Variants in NWD2 observed in about 807,000 individuals in gnomAD.
The protein encoded by NWD2 is NACHT and WD repeat domain-containing protein 2.
NWD2 carries 37 observed loss-of-function variants against 132.7 expected under a neutral mutation model. That is an observed-to-expected ratio of 0.28 (90% CI 0.21 to 0.37). The LOEUF (loss-of-function observed/expected upper bound fraction) is 0.37, where lower values mean the gene tolerates loss of function less well. Ranked by LOEUF, NWD2 falls within the 10% of genes least tolerant of loss-of-function variation. The pLI is 1.00. For synonymous variants in NWD2, 705 were observed against 803.0 expected (o/e 0.88, Z 2.06); for missense variants, 1,592 against 2,122.4 (o/e 0.75, Z 4.91).
rs777002295 is a variant in NWD2 at position 37,443,371 on chromosome 4, T to C, written c.1383T>C (p.Ser461=). The C allele has an allele frequency of 1.2e-5, 19 of 1,551,854 alleles. No individual in the cohort carries two copies. In the East Asian group the frequency reaches 4.6e-4, roughly 38 times the overall value. ...TTCTAGGAACGACAGACATGAGCTC[T>C]GACCTTAGGACTCTCCTTCTAAGTG... ...VRFLGTTDMS[S]DLRTLLLSVC... The change falls in exon 7 of 7, where the codon TCT becomes TCC. Residue 461 remains serine (S), a synonymous_variant. Transcript: ENST00000309447. The surrounding 1 kb of genome is among the most constrained non-coding windows in gnomAD (Gnocchi z 4.1).
intron 1 of NWD2, among the ~76,000 whole-genome samples, chr4:37,299,921 C>T (rs1718578841): frequency 6.6e-6 from 1 of 152,118 alleles, no homozygotes; most frequent in Non-Finnish European, 1.5e-5. Flanking sequence ...CCTCAAAAGA[C>T]TTGTGAAACT....
chr4:37,296,451 C>G (rs1776558), intron 1 of NWD2, among the ~76,000 whole-genome samples: 39,660 of 152,050 alleles, frequency 0.26, 6,527 homozygotes, highest in African/African-American at 0.47. Context: ...AAGTGCCCAT[C>G]AGCTGATGAG....
chr4:37,406,938 CA>C (rs1175430806), intron 3 of NWD2, among the ~76,000 whole-genome samples: 1 of 152,094 alleles, frequency 6.6e-6, no homozygotes, highest in Non-Finnish European at 1.5e-5. Context: ...TTTGTAGGGA[CA>C]TGGATGAGGC....
chr4:37,293,588 C>T (rs1240621212), intron 1 of NWD2, among the ~76,000 whole-genome samples: 2 of 152,148 alleles, frequency 1.3e-5, no homozygotes, highest in Non-Finnish European at 1.5e-5. Context: ...GTTTAATTAA[C>T]TTTTTCCCTA....
rs79145022 is a variant in NWD2 at position 37,277,275 on chromosome 4, G to A, written c.151+32057G>A. 2.3e-3 allele frequency among the ~76,000 whole-genome samples: 356 copies of A among 151,946 alleles called. 1 individual carries two copies. Among genetic ancestry groups the A allele is most frequent in the Non-Finnish European group, 4.1e-3 (279 of 67,960 alleles). On this transcript the variant is annotated intron_variant, in intron 1 of 6. Coordinates refer to ENST00000309447, the MANE Select transcript of NWD2 (RefSeq NM_001144990.2). ...TCCCGGTGTGAATCTCTTTGTATTT[G>A]TGTCTCATTGAGCTTCTTTAATACA...
chr4:37,288,819 GT>G (rs1206064346), intron 1 of NWD2, among the ~76,000 whole-genome samples: 1 of 151,836 alleles, frequency 6.6e-6, no homozygotes, highest in Non-Finnish European at 1.5e-5. Context: ...TTTGGTTTTT[GT>G]TTTTTTAAAA....
At chr4:37,375,290 T>C in intron 3 of NWD2, among the ~76,000 whole-genome samples, 1 of 152,234 alleles carries the variant, frequency 6.6e-6, no homozygotes, top group Admixed American at 6.5e-5. Flanking sequence ...CAAGTGATTA[T>C]AAAGAATATA....
At chr4:37,280,012 T>C (rs1185322628) in intron 1 of NWD2, among the ~76,000 whole-genome samples, 1 of 152,196 alleles carries the variant, frequency 6.6e-6, no homozygotes, top group Non-Finnish European at 1.5e-5. Flanking sequence ...AGAGAAAGCA[T>C]GACACTTGTT....
At chr4:37,416,861 ACAT>A (rs34087224) in intron 3 of NWD2, among the ~76,000 whole-genome samples, 18,679 of 151,998 alleles carry the variant, frequency 0.12, 1,491 homozygotes, top group African/African-American at 0.23. Context: ...GGAAAACCAA[ACAT>A]CATATGTTCT....
chr4:37,267,125 T>C (rs1717768839), intron 1 of NWD2, among the ~76,000 whole-genome samples: 1 of 151,948 alleles, frequency 6.6e-6, no homozygotes, highest in Non-Finnish European at 1.5e-5. Context: ...AGAAAACTAG[T>C]CTAGGTACAA....
intron 3 of NWD2, among the ~76,000 whole-genome samples, chr4:37,394,799 G>GTTTTTTTGTTTT (rs1720747182): frequency 1.9e-5 from 1 of 52,596 alleles, no homozygotes; most frequent in African/African-American, 7.7e-5. Context: ...AACCTTTATG[G>GTTTTTTTGTTTT]TTTTTTTTTT....
intron 3 of NWD2, among the ~76,000 whole-genome samples, chr4:37,372,658 G>C (rs1720252912): frequency 6.6e-6 from 1 of 152,158 alleles, no homozygotes; most frequent in Non-Finnish European, 1.5e-5. Context: ...AAGGTCAAAG[G>C]ATAGCATTCT....
chr4:37,374,476 A>G (rs1055654907), intron 3 of NWD2, among the ~76,000 whole-genome samples: 13 of 152,240 alleles, frequency 8.5e-5, no homozygotes, highest in Non-Finnish European at 1.8e-4. Flanking sequence ...CACGATAAAA[A>G]TCAGGTCAGT....
intron 3 of NWD2, among the ~76,000 whole-genome samples, chr4:37,382,135 G>A (rs1278894323): frequency 6.6e-6 from 1 of 152,102 alleles, no homozygotes; most frequent in African/African-American, 2.4e-5. Context: ...TTAGCCCAAG[G>A]CCCTAAAGAA....
intron 3 of NWD2, among the ~76,000 whole-genome samples, chr4:37,382,531 G>A (rs6856111): frequency 0.27 from 41,542 of 151,898 alleles, 6,252 homozygotes; most frequent in East Asian, 0.5. Context: ...TTATTTGAGA[G>A]TTTCCTCAGT....
At chr4:37,393,668 C>T (rs1036739682) in intron 3 of NWD2, among the ~76,000 whole-genome samples, 2 of 152,180 alleles carry the variant, frequency 1.3e-5, no homozygotes, top group African/African-American at 4.8e-5. Context: ...AGCGAGCACT[C>T]TGTTGGCTTG....
At chr4:37,335,126 T>C (rs1719374130) in intron 2 of NWD2, among the ~76,000 whole-genome samples, 1 of 152,180 alleles carries the variant, frequency 6.6e-6, no homozygotes. Flanking sequence ...TCTATGCTTC[T>C]TGGCACAATG....
intron 3 of NWD2, among the ~76,000 whole-genome samples, chr4:37,357,088 C>T (rs1323254481): frequency 3.3e-5 from 5 of 152,188 alleles, no homozygotes; most frequent in East Asian, 3.9e-4. Flanking sequence ...TGTGTTAGCA[C>T]GGTGGCAGTA....
chr4:37,358,352 G>GA (rs935447524), intron 3 of NWD2, among the ~76,000 whole-genome samples: 2 of 150,168 alleles, frequency 1.3e-5, no homozygotes, highest in Admixed American at 1.3e-4. Flanking sequence ...ACGTGGTTTG[G>GA]GGGGGTTGGG....
Sources: allele counts gnomAD v4.1 joint callset (sites outside exome capture counted in the v4.1 genomes callset), GRCh38; gene constraint gnomAD v4.1.1; non-coding constraint Gnocchi (gnomAD v3.1); transcripts MANE v1.5; gene names NCBI Gene and HGNC (gene_info 2026-07-23, HGNC 2026-07-21).